RARRES1: variants seen among roughly 807,000 people sequenced by gnomAD.
The protein encoded by RARRES1 is retinoic acid receptor responder 1.
RARRES1 carries 34 observed loss-of-function variants against 30.6 expected under a neutral mutation model. That is an observed-to-expected ratio of 1.11 (90% CI 0.84 to 1.48). RARRES1 has a LOEUF of 1.48. Among genes scored for constraint, RARRES1 ranks in the 40% most tolerant of loss-of-function variants. The pLI is 0.00. For synonymous variants in RARRES1, 153 were observed against 155.5 expected (o/e 0.98, Z 0.12); for missense variants, 373 against 386.5 (o/e 0.97, Z 0.29).
Position 158,701,359 on chromosome 3 carries a change from C to CT in RARRES1, c.673-3390dup, listed in dbSNP as rs367676229. ...ACTTTATATTTGCATTTCAGTCTTT[C>CT]TTTTTTTTTTTTGCACACTCTTCCC... is the stretch of plus-strand genomic sequence containing the variant. On this transcript the variant is annotated intron_variant, in intron 4 of 5. Coordinates refer to ENST00000237696, the MANE Select transcript of RARRES1 (RefSeq NM_206963.2). Among the ~76,000 whole-genome samples, 332 of 142,710 alleles carry CT rather than the reference C, an allele frequency of 2.3e-3. 2 individuals carry two copies. Among genetic ancestry groups the CT allele is most frequent in the Admixed American group, 3.4e-3 (48 of 14,204 alleles). The allele number at this position is 142,710 out of a possible 152,430, so 93.6% of individuals were successfully genotyped here.
intron 1 of RARRES1, among the ~76,000 whole-genome samples, chr3:158,726,080 CT>C (rs1559875610): frequency 1.3e-5 from 2 of 152,194 alleles, no homozygotes; most frequent in African/African-American, 4.8e-5. Context: ...AAAATTAAGA[CT>C]AGTTCACTTG....
In RARRES1 at chr3:158,697,824, T is replaced by C; in HGVS notation, c.739A>G (p.Ile247Val). 6.2e-7 allele frequency: 1 copy of C among 1,608,024 alleles called. No individual in the cohort carries two copies. Among genetic ancestry groups the C allele is most frequent in the Non-Finnish European group, 8.5e-7 (1 of 1,175,790 alleles). Residue 247 changes from isoleucine (I) to valine (V), a missense_variant, in exon 6 of 6, where the codon ATA becomes GTA. By Grantham distance (29) the Ile-to-Val change is conservative (BLOSUM62 3). Coordinates refer to ENST00000237696, the MANE Select transcript of RARRES1 (RefSeq NM_206963.2). The stretch of plus-strand genomic sequence containing the variant: ...ACCAAGTGAATGCGACAGGGAATTA[T>C]TTCCTAGGAAATAGAGTTATAAAAT... ...VLLHELSTQE[I>V]IPCRIHLVWY...
intron 1 of RARRES1, among the ~76,000 whole-genome samples, chr3:158,714,219 A>G (rs1727244837): frequency 6.6e-6 from 1 of 152,182 alleles, no homozygotes; most frequent in Non-Finnish European, 1.5e-5. Flanking sequence ...TCCTGGGGCC[A>G]CATCAGCGAG....
At chr3:158,716,207 T>C (rs1357377926) in intron 1 of RARRES1, among the ~76,000 whole-genome samples, 1 of 152,032 alleles carries the variant, frequency 6.6e-6, no homozygotes, top group Non-Finnish European at 1.5e-5. Flanking sequence ...CTCTGGCACA[T>C]GGGGAAATTT....
At chr3:158,700,690 G>T (rs1015246634) in intron 4 of RARRES1, among the ~76,000 whole-genome samples, 11 of 152,196 alleles carry the variant, frequency 7.2e-5, no homozygotes, top group Non-Finnish European at 5.9e-5. Flanking sequence ...GCTCTGCCAA[G>T]AAGTCATTAT....
chr3:158,704,244 T>G (rs1726835517), intron 4 of RARRES1, among the ~76,000 whole-genome samples: 1 of 83,198 alleles, frequency 1.2e-5, no homozygotes, highest in East Asian at 3.9e-4. Context: ...TTTTTTTTTT[T>G]GAGACAGAGA....
chr3:158,698,567 A>G (rs1726625901), intron 4 of RARRES1, among the ~76,000 whole-genome samples: 1 of 152,112 alleles, frequency 6.6e-6, no homozygotes, highest in African/African-American at 2.4e-5. Context: ...AAACCAGTGC[A>G]TTGGATATTT....
chr3:158,702,840 A>G (rs1726783218), intron 4 of RARRES1, among the ~76,000 whole-genome samples: 1 of 152,214 alleles, frequency 6.6e-6, no homozygotes, highest in Non-Finnish European at 1.5e-5. Flanking sequence ...ATTTAAAAGC[A>G]TTCTATATGG....
intron 1 of RARRES1, among the ~76,000 whole-genome samples, chr3:158,728,324 A>C (rs1260122693): frequency 6.6e-6 from 1 of 151,794 alleles, no homozygotes; most frequent in Non-Finnish European, 1.5e-5. Context: ...GAATGCAGTG[A>C]CCCCTAGAAT....
chr3:158,727,386 G>A (rs930079988), intron 1 of RARRES1, among the ~76,000 whole-genome samples: 4 of 152,216 alleles, frequency 2.6e-5, no homozygotes, highest in Non-Finnish European at 4.4e-5. Flanking sequence ...TGGTCAGAGG[G>A]TGTTTTGTTT....
intron 4 of RARRES1, 84 bp downstream of exon 4, chr3:158,704,707 T>A (rs1236210413): frequency 1.3e-6 from 2 of 1,503,476 alleles, no homozygotes; most frequent in East Asian, 4.6e-5. Flanking sequence ...TGATATGAAA[T>A]TAGAAGTTCG....
chr3:158,732,015 G>C, intron 1 of RARRES1, 125 bp downstream of exon 1: 4 of 1,004,422 alleles, frequency 4.0e-6, no homozygotes, highest in Non-Finnish European at 5.2e-6. Flanking sequence ...CCCGGGCGTC[G>C]TGCGCACTGC....
intron 2 of RARRES1, among the ~76,000 whole-genome samples, chr3:158,712,670 A>C (rs1364125434): frequency 6.6e-6 from 1 of 152,192 alleles, no homozygotes; most frequent in East Asian, 1.9e-4. Flanking sequence ...TCCAGAGAAG[A>C]GAAAAAGAAC....
chr3:158,698,100 T>C (rs1300379732), intron 4 of RARRES1, 130 bp from the exon 5 acceptor site: 1 of 638,796 alleles, frequency 1.6e-6, no homozygotes, highest in East Asian at 3.0e-5. Context: ...CTCACGGTTT[T>C]TGGTGGTATT....
rs1256846164 is a variant in RARRES1, at chr3:158,732,155, C to T, written c.261G>A (p.Gln87=). 4.4e-5 allele frequency: 61 copies of T among 1,401,838 alleles called. No homozygotes were observed. The highest frequency in any genetic ancestry group is 3.4e-5 in the Non-Finnish European group (37 of 1,085,716). The allele number at this position is 1,401,838 out of a possible 1,614,324, so 86.8% of individuals were successfully genotyped here. Reference sequence around the variant, plus strand: ...CCGCACTCACCCACGCGCGGCCCTCCTGCACCTCGGCCAGCACTCGTAGCG... The same window carrying T: ...CCGCACTCACCCACGCGCGGCCCTCTTGCACCTCGGCCAGCACTCGTAGCG... ...PSALRVLAEV[Q]EGRAWINPKE... The change falls in exon 1 of 6, where the codon CAG becomes CAA. Residue 87 remains glutamine (Q), a synonymous_variant. Coordinates refer to ENST00000237696, the MANE Select transcript of RARRES1 (RefSeq NM_206963.2).
At chr3:158,698,717 A>T (rs1424893056) in intron 4 of RARRES1, among the ~76,000 whole-genome samples, 1 of 152,036 alleles carries the variant, frequency 6.6e-6, no homozygotes, top group African/African-American at 2.4e-5. Context: ...TCACTAGTAA[A>T]AATGGAAGAA....
At chr3:158,703,045 C>A (rs530630591) in intron 4 of RARRES1, among the ~76,000 whole-genome samples, 14 of 152,158 alleles carry the variant, frequency 9.2e-5, no homozygotes, top group Non-Finnish European at 1.8e-4. Flanking sequence ...ATGAACAAAA[C>A]GAATTTTTTA....
At position 158,699,476 on chromosome 3, in the gene RARRES1, A is replaced by T. The variant is rs572890979; in HGVS notation, c.673-1506T>A. Reference sequence around the variant, plus strand: ...AAAGTTTAGACTCCCCTTTGCCTACATTGATGGAGATTTTTACCAGCCGTG... The same window carrying T: ...AAAGTTTAGACTCCCCTTTGCCTACTTTGATGGAGATTTTTACCAGCCGTG... On this transcript the variant is annotated intron_variant, in intron 4 of 5. Transcript: ENST00000237696. 5.5e-5 allele frequency among the ~76,000 whole-genome samples: 8 copies of T among 144,594 alleles called. No individual in the cohort carries two copies. In the South Asian group the frequency reaches 1.7e-3, roughly 31 times the overall value. The allele number at this position is 144,594 out of a possible 152,430, so 94.9% of individuals were successfully genotyped here.
At chr3:158,711,427 G>A (rs1320835760) in intron 2 of RARRES1, among the ~76,000 whole-genome samples, 2 of 151,984 alleles carry the variant, frequency 1.3e-5, no homozygotes, top group Non-Finnish European at 2.9e-5. Context: ...ACTCCATGTC[G>A]CACAGCTAAT....
Sources: gnomAD v4.1 joint callset for allele counts (sites outside exome capture counted in the v4.1 genomes callset) on GRCh38, gnomAD v4.1.1 for gene constraint, MANE v1.5 for transcripts, NCBI Gene and HGNC (gene_info 2026-07-23, HGNC 2026-07-21) for gene names.